ASTN2: variants seen among roughly 807,000 people sequenced by gnomAD.
The protein encoded by ASTN2 is astrotactin 2.
Under a neutral mutation model 139.8 loss-of-function variants are expected in ASTN2, and 54 were observed. The ratio of observed to expected loss-of-function variants is 0.39; its 90% CI spans 0.31 to 0.48. The LOEUF is 0.48. ASTN2 is among the 20% of genes least tolerant of loss of function. The probability of loss-of-function intolerance (pLI) is 0.95; values close to 1 mark genes in which losing one functional copy is unlikely to be tolerated. For missense variants in ASTN2, 1,565 were observed against 1,725.1 expected, an observed-to-expected ratio of 0.91 and a Z score of 1.64; for synonymous variants, 756 against 719.5, an observed-to-expected ratio of 1.05 and a Z score of -0.81.
intron 16 of ASTN2, among the ~76,000 whole-genome samples, chr9:116,713,840 A>G (rs1322614729): frequency 6.6e-6 from 1 of 152,222 alleles, no homozygotes; most frequent in Non-Finnish European, 1.5e-5. Context: ...TGAAATGCCC[A>G]GCATATCTCC....
chr9:117,196,745 G>A (rs1831516306), intron 3 of ASTN2, among the ~76,000 whole-genome samples: 1 of 152,152 alleles, frequency 6.6e-6, no homozygotes, highest in African/African-American at 2.4e-5. Context: ...TTGGACCAAT[G>A]TTAACTGAGG....
intron 11 of ASTN2, among the ~76,000 whole-genome samples, chr9:116,861,689 G>C (rs749878012): frequency 2.6e-5 from 4 of 152,174 alleles, no homozygotes; most frequent in Non-Finnish European, 5.9e-5. Flanking sequence ...GCTGTCTCTG[G>C]GATGAGCCCA....
In ASTN2 at chr9:117,052,116, G is replaced by A. The variant is rs117489860; in HGVS notation, c.1277-12151C>T. 8.3e-3 allele frequency among the ~76,000 whole-genome samples: 1,257 copies of A among 152,170 alleles called. 9 individuals carry two copies. The highest frequency in any genetic ancestry group is 0.036 in the East Asian group (184 of 5,162). The stretch of plus-strand genomic sequence containing the variant: ...CCCATTTTCTTCATCTGTAAAATGG[G>A]AATAACATCTACTCCACAGCATCAT... On this transcript the variant is annotated intron_variant, in intron 5 of 22. Coordinates refer to ENST00000313400, the MANE Select transcript of ASTN2 (RefSeq NM_001365068.1).
rs1355112605 is a variant in ASTN2, at chr9:116,611,213, T to C, written c.3355+7111A>G. ...GTCAAAGAAGAAAACAAAAGTGAAA[T>C]TGGAAATACTTTGAACTGAATGAAA... is the stretch of plus-strand genomic sequence containing the variant. On this transcript the variant is annotated intron_variant, in intron 19 of 22. Coordinates refer to ENST00000313400, the MANE Select transcript of ASTN2 (RefSeq NM_001365068.1). 4 of 152,006 alleles carry C rather than the reference T, an allele frequency of 2.6e-5. 1 individual carries two copies. Among genetic ancestry groups the C allele is most frequent in the African/African-American group, 4.8e-5 (2 of 41,380 alleles). The allele number at this position is 152,006 out of a possible 1,614,324, so 9.4% of individuals were successfully genotyped here. A position where few individuals can be genotyped will look rare whatever the true frequency, so the allele number is the denominator to read the frequency against.
At chr9:117,005,713 T>C (rs1837334670) in intron 7 of ASTN2, among the ~76,000 whole-genome samples, 1 of 151,984 alleles carries the variant, frequency 6.6e-6, no homozygotes, top group African/African-American at 2.4e-5. Flanking sequence ...AAGTGACCCA[T>C]ATCCTATTCC....
chr9:117,402,785 G>C (rs1830872047), intron 1 of ASTN2, among the ~76,000 whole-genome samples: 1 of 152,022 alleles, frequency 6.6e-6, no homozygotes, highest in Admixed American at 6.6e-5. Flanking sequence ...GTGGGGTGGG[G>C]TGGTGGTGGT....
At chr9:117,392,365 T>C (rs1830563425) in intron 1 of ASTN2, among the ~76,000 whole-genome samples, 1 of 152,222 alleles carries the variant, frequency 6.6e-6, no homozygotes, top group Non-Finnish European at 1.5e-5. Context: ...ATACTTCTAA[T>C]CCTTCTCTGG....
At chr9:117,074,741 CCTAA>C (rs1472546999) in intron 5 of ASTN2, among the ~76,000 whole-genome samples, 3 of 152,278 alleles carry the variant, frequency 2.0e-5, no homozygotes, top group East Asian at 1.9e-4. Context: ...CTCTTTCAAT[CCTAA>C]CTATCTACGT....
intron 10 of ASTN2, among the ~76,000 whole-genome samples, chr9:116,864,269 A>G (rs942804895): frequency 2.0e-5 from 3 of 152,184 alleles, no homozygotes; most frequent in Admixed American, 6.5e-5. Flanking sequence ...ACTGACTCCA[A>G]ATCCCACAGT....
rs113672194 is a variant in ASTN2, at chr9:116,755,576, C to T, written c.2397-22053G>A. Reference sequence around the variant, plus strand: ...AATGTCTTGATCTTGGACTTTTAGCCTCCAAAACTATGAAAAATAAATTTC... The same window carrying T: ...AATGTCTTGATCTTGGACTTTTAGCTTCCAAAACTATGAAAAATAAATTTC... On this transcript the variant is annotated intron_variant, in intron 13 of 22. Coordinates refer to ENST00000313400, the MANE Select transcript of ASTN2 (RefSeq NM_001365068.1). Among the ~76,000 whole-genome samples the T allele has an allele frequency of 3.2e-4, 48 of 152,302 alleles. 2 individuals are homozygous for T. Among genetic ancestry groups the T allele is most frequent in the African/African-American group, 1.1e-3 (45 of 41,572 alleles).
chr9:116,449,993 T>C (rs1323896573), intron 20 of ASTN2, among the ~76,000 whole-genome samples: 1 of 152,152 alleles, frequency 6.6e-6, no homozygotes, highest in Non-Finnish European at 1.5e-5. Context: ...CTATGTACTG[T>C]CTGAATTTTC....
chr9:116,896,109 C>T (rs956898891), intron 10 of ASTN2, among the ~76,000 whole-genome samples: 1 of 152,122 alleles, frequency 6.6e-6, no homozygotes, highest in African/African-American at 2.4e-5. Flanking sequence ...TTGCCAAGCA[C>T]AGAACCTGGA....
chr9:117,310,536 C>T (rs1255846113), intron 1 of ASTN2, among the ~76,000 whole-genome samples: 1 of 152,148 alleles, frequency 6.6e-6, no homozygotes, highest in Non-Finnish European at 1.5e-5. Flanking sequence ...TATCTTCACC[C>T]CAACCAAGAG....
At chr9:116,589,369 C>A (rs1274315948) in intron 19 of ASTN2, among the ~76,000 whole-genome samples, 1 of 152,182 alleles carries the variant, frequency 6.6e-6, no homozygotes, top group African/African-American at 2.4e-5. Context: ...CTCTCTTGGT[C>A]TCTCATGTGC....
intron 20 of ASTN2, among the ~76,000 whole-genome samples, chr9:116,458,217 G>A (rs1270179927): frequency 6.6e-6 from 1 of 151,686 alleles, no homozygotes; most frequent in Non-Finnish European, 1.5e-5. Context: ...GGCTAGGAAG[G>A]GCAGTGGAGA....
intron 19 of ASTN2, among the ~76,000 whole-genome samples, chr9:116,597,299 A>AT (rs757848093): frequency 0.03 from 2,237 of 75,418 alleles, 42 homozygotes; most frequent in Non-Finnish European, 0.038. Flanking sequence ...CTTTTGATCT[A>AT]TTTTTTTTTT....
At chr9:116,624,858 T>C (rs1220859190) in intron 17 of ASTN2, among the ~76,000 whole-genome samples, 5 of 151,054 alleles carry the variant, frequency 3.3e-5, no homozygotes, top group African/African-American at 1.2e-4. Context: ...AAAGGCTTTC[T>C]AGAGAAAAAA....
intron 3 of ASTN2, among the ~76,000 whole-genome samples, chr9:117,189,765 G>GTC (rs949969387): frequency 6.6e-5 from 10 of 152,124 alleles, no homozygotes; most frequent in African/African-American, 2.4e-4. Flanking sequence ...GTTCTTAAAG[G>GTC]TCTCTTGGTC....
chr9:116,609,478 T>C (rs1476113883), intron 19 of ASTN2, among the ~76,000 whole-genome samples: 1 of 149,322 alleles, frequency 6.7e-6, no homozygotes, highest in Non-Finnish European at 1.5e-5. Flanking sequence ...AAGTGTAACA[T>C]ATTTAATTAC....
Sources: allele counts gnomAD v4.1 joint callset (sites outside exome capture counted in the v4.1 genomes callset), GRCh38; gene constraint gnomAD v4.1.1; transcripts MANE v1.5; gene names NCBI Gene and HGNC (gene_info 2026-07-23, HGNC 2026-07-21).